Variants in GRM4 observed in about 807,000 individuals in gnomAD.
The protein encoded by GRM4 is metabotropic glutamate receptor 4.
A neutral mutation model predicts 81.7 loss-of-function variants in GRM4; 28 were observed. That is an observed-to-expected ratio of 0.34 (90% CI 0.25 to 0.47). The LOEUF (loss-of-function observed/expected upper bound fraction) is 0.47, where lower values mean the gene tolerates loss of function less well. Among genes scored for constraint, GRM4 ranks in the 20% least tolerant of loss-of-function variants. The probability of loss-of-function intolerance (pLI) is 1.00; values close to 1 mark genes in which losing one functional copy is unlikely to be tolerated. For missense variants in GRM4, 948 were observed against 1,290.0 expected, an observed-to-expected ratio of 0.73 and a Z score of 4.06; for synonymous variants, 488 against 528.8, an observed-to-expected ratio of 0.92 and a Z score of 1.06.
chr6:34,052,760 G>A (rs1765677987), intron 6 of GRM4, among the ~76,000 whole-genome samples: 1 of 152,182 alleles, frequency 6.6e-6, no homozygotes, highest in Non-Finnish European at 1.5e-5. Flanking sequence ...AGGAGTGAGA[G>A]GGAAGGAGGG....
chr6:34,092,896 C>A lies in GRM4; in HGVS notation c.520-797G>T, dbSNP rs971034186. 2.0e-5 allele frequency among the ~76,000 whole-genome samples: 3 copies of A among 152,136 alleles called. No homozygotes were observed. Among genetic ancestry groups the A allele is most frequent in the African/African-American group, 7.2e-5 (3 of 41,430 alleles). On this transcript the variant is annotated intron_variant, in intron 2 of 10. Transcript: ENST00000538487. This position sits in a 1 kb window ranked among gnomAD's most constrained non-coding sequence, Gnocchi z 6.8. ...CCTGCCTCCTGTAGATACACCCAACCATCCCCAGGACAGGGAAGGGGTATG... is the reference window on the plus strand; with the variant it reads ...CCTGCCTCCTGTAGATACACCCAACAATCCCCAGGACAGGGAAGGGGTATG...
At chr6:34,033,490 CCT>C (rs1031019040) in intron 9 of GRM4, among the ~76,000 whole-genome samples, 1 of 152,098 alleles carries the variant, frequency 6.6e-6, no homozygotes, top group African/African-American at 2.4e-5. Flanking sequence ...TCTCTGTGCC[CCT>C]GAGTCCTCAT....
At chr6:34,155,027 C>T in intron 1 of GRM4, 3 of 1,384,136 alleles carry the variant, frequency 2.2e-6, no homozygotes, top group Non-Finnish European at 1.9e-6. Context: ...TGCTGGGCAC[C>T]TCCCCGTCCC....
At chr6:34,128,323 G>A (rs557206801) in intron 2 of GRM4, among the ~76,000 whole-genome samples, 45 of 151,676 alleles carry the variant, frequency 3.0e-4, no homozygotes, top group African/African-American at 1.1e-3. Context: ...TGGGCTGACT[G>A]TGTGCCAGGC....
At chr6:34,107,381 G>A (rs1769179207) in intron 2 of GRM4, among the ~76,000 whole-genome samples, 1 of 152,162 alleles carries the variant, frequency 6.6e-6, no homozygotes, top group Admixed American at 6.5e-5. Flanking sequence ...TGGCGCCATG[G>A]CAAGCACCAG....
intron 1 of GRM4, among the ~76,000 whole-genome samples, chr6:34,142,130 A>T (rs1243868414): frequency 6.6e-6 from 1 of 152,166 alleles, no homozygotes; most frequent in East Asian, 1.9e-4. Flanking sequence ...AGTGACAGAG[A>T]GCTGGTGTCC....
intron 3 of GRM4, among the ~76,000 whole-genome samples, chr6:34,079,120 C>T (rs181550144): frequency 6.6e-6 from 1 of 152,324 alleles, no homozygotes; most frequent in East Asian, 1.9e-4. Context: ...AAACCAAGAG[C>T]CAGTGAGGAA....
chr6:34,091,969 T>G lies in GRM4; in HGVS notation c.650A>C (p.Lys217Thr). 6.2e-7 allele frequency: 1 copy of G among 1,614,116 alleles called. No homozygotes were observed. The highest frequency in any genetic ancestry group is 8.5e-7 in the Non-Finnish European group (1 of 1,179,954). Residue 217 changes from lysine (K) to threonine (T), a missense_variant, in exon 3 of 11, where the codon AAG becomes ACG. By Grantham distance (78) the Lys-to-Thr change is moderately conservative. Transcript: ENST00000538487. ...GGCCACTGTGGACACATAGTTCCAC[T>G]TGAGGGCACGGACGATGTCCACCAT... ...QAMVDIVRAL[K>T]WNYVSTVASE...
In GRM4 at chr6:34,040,222, C is replaced by T. The variant is rs1258863156; in HGVS notation, c.1462G>A (p.Glu488Lys). 4.3e-6 allele frequency: 7 copies of T among 1,613,946 alleles called. No individual in the cohort carries two copies. The highest frequency in any genetic ancestry group is 2.2e-5 in the East Asian group (1 of 44,894). ...YQYQLRNDSA[E>K]YKVIGSWTDH... ...GTCCAGGAGCCAATGACCTTGTACT[C>T]GGCAGAATCGTTGCGCAGCTGGTAT... Residue 488 changes from glutamate (E) to lysine (K), a missense_variant, in exon 8 of 11, where the codon GAG becomes AAG. Transcript: ENST00000538487.
chr6:34,124,729 G>C (rs2127506340), intron 2 of GRM4, among the ~76,000 whole-genome samples: 1 of 152,326 alleles, frequency 6.6e-6, no homozygotes, highest in Middle Eastern at 3.4e-3. Flanking sequence ...CATGGAGATG[G>C]CCAGTAGGTT....
intron 3 of GRM4, among the ~76,000 whole-genome samples, chr6:34,075,861 C>A (rs951892669): frequency 6.6e-6 from 1 of 152,212 alleles, no homozygotes; most frequent in East Asian, 1.9e-4. Flanking sequence ...CTAACCACCC[C>A]GTTTCCATGC....
intron 2 of GRM4, among the ~76,000 whole-genome samples, chr6:34,093,409 T>C (rs1270546125): frequency 6.6e-5 from 10 of 152,224 alleles, no homozygotes; most frequent in Non-Finnish European, 1.5e-4. Context: ...AAAGACTTTA[T>C]TGAGCACCTA....
At chr6:34,122,189 G>T (rs992589315) in intron 2 of GRM4, among the ~76,000 whole-genome samples, 2 of 152,018 alleles carry the variant, frequency 1.3e-5, no homozygotes, top group Admixed American at 1.3e-4. Context: ...AACAGAGAGG[G>T]AGCCCCAACA....
chr6:34,145,605 A>G (rs1770896999), intron 1 of GRM4, among the ~76,000 whole-genome samples: 1 of 152,018 alleles, frequency 6.6e-6, no homozygotes, highest in Non-Finnish European at 1.5e-5. Flanking sequence ...CGAGAGAGGG[A>G]GCGAGAGACG....
At chr6:34,148,476 C>T (rs1215549005), upstream of GRM4, among the ~76,000 whole-genome samples, 1 of 152,122 alleles carries the variant, frequency 6.6e-6, no homozygotes, top group African/African-American at 2.4e-5. Flanking sequence ...CCAGTGGCGT[C>T]CCCTGCCCTG....
At chr6:34,122,966 C>G (rs75084855) in intron 2 of GRM4, among the ~76,000 whole-genome samples, 2,679 of 152,232 alleles carry the variant, frequency 0.018, 59 homozygotes, top group East Asian at 0.11. Flanking sequence ...GGACACGGCC[C>G]GAGCAGGGCC....
intron 9 of GRM4, among the ~76,000 whole-genome samples, chr6:34,029,328 C>G (rs557433085): frequency 6.6e-6 from 1 of 152,282 alleles, no homozygotes; most frequent in South Asian, 2.1e-4. Context: ...CTCCTGACCC[C>G]CAGCTCTATG....
chr6:34,151,049 C>G (rs1771034740), upstream of GRM4, among the ~76,000 whole-genome samples: 1 of 150,940 alleles, frequency 6.6e-6, no homozygotes, highest in East Asian at 1.9e-4. Flanking sequence ...GGTGCTGCCT[C>G]CAGCATAAGA....
Position 34,022,949 on chromosome 6 carries a change from T to C in GRM4, c.2690-79A>G. The C allele has an allele frequency of 1.8e-6, 2 of 1,118,304 alleles. No individual in the cohort carries two copies. The highest frequency in any genetic ancestry group is 2.7e-6 in the Non-Finnish European group (2 of 729,452). 69.3% of individuals were successfully genotyped at this position (1,118,304 alleles called of 1,614,324 possible). A position where few individuals can be genotyped will look rare whatever the true frequency, so the allele number is the denominator to read the frequency against. ...CTGTCCTTCCACATGGGCACAGCCC[T>C]GCACAAGAACCTACCATAGCTCCCC... is the stretch of plus-strand genomic sequence containing the variant. On this transcript the variant is annotated intron_variant, in intron 10 of 10. Transcript: ENST00000538487. This position sits in a 1 kb window ranked among gnomAD's most constrained non-coding sequence, Gnocchi z 5.6.
Sources: allele counts gnomAD v4.1 joint callset (sites outside exome capture counted in the v4.1 genomes callset), GRCh38; gene constraint gnomAD v4.1.1; non-coding constraint Gnocchi (gnomAD v3.1); transcripts MANE v1.5; gene names NCBI Gene and HGNC (gene_info 2026-07-23, HGNC 2026-07-21).